The following EIF4G2 variants were observed in gnomAD, a reference collection of about 807,000 sequenced individuals.
The protein encoded by EIF4G2 is eukaryotic translation initiation factor 4 gamma 2.
A neutral mutation model predicts 117.7 loss-of-function variants in EIF4G2; 8 were observed. The ratio of observed to expected loss-of-function variants is 0.07; its 90% CI spans 0.04 to 0.12. The LOEUF (loss-of-function observed/expected upper bound fraction) is 0.12. EIF4G2 is among the 10% of genes least tolerant of loss of function. EIF4G2 has a pLI of 1.00. For missense variants in EIF4G2, 812 were observed against 1,086.2 expected (o/e 0.75, Z 3.55); for synonymous variants, 413 against 367.8 (o/e 1.12, Z -1.41).
Position 10,803,603 on chromosome 11 carries a change from AAGGCC to A in EIF4G2, c.703-18_703-14del, listed in dbSNP as rs750506476. The A allele has an allele frequency of 2.0e-5, 32 of 1,607,752 alleles. No individual in the cohort carries two copies. Among genetic ancestry groups the A allele is most frequent in the Non-Finnish European group, 2.6e-5 (30 of 1,175,418 alleles). ...TCTTTTCCAAAAGCTACAAGAATAA[AAGGCC>A]ATGGTGACAAAGTTTTAGTTACTCT... On this transcript the variant is annotated splice_polypyrimidine_tract_variant and intron_variant, in intron 8 of 21. Coordinates refer to ENST00000339995, the MANE Select transcript of EIF4G2 (RefSeq NM_001418.4). This position sits in a 1 kb window ranked among gnomAD's most constrained non-coding sequence, Gnocchi z 4.0.
At chr11:10,808,451 G>A (rs1036280513) in intron 1 of EIF4G2, 29 of 1,262,652 alleles carry the variant, frequency 2.3e-5, no homozygotes, top group Non-Finnish European at 2.8e-5. Context: ...CGTCCCTGCA[G>A]GCGTCGGCCA....
Position 10,805,864 on chromosome 11 carries a change from T to C in EIF4G2, c.248+43A>G, listed in dbSNP as rs762899767. 5.0e-6 allele frequency: 8 copies of C among 1,613,708 alleles called. No individual in the cohort carries two copies. The Admixed American group carries it at 5.0e-5, about 10-fold the overall frequency. On this transcript the variant is annotated intron_variant, in intron 4 of 21. Transcript: ENST00000339995. ...CAGCACACACACCAAACACAGCTAA[T>C]CCACACTTCCCATCTTTTAGTAAAA...
chr11:10,803,273 C>A lies in EIF4G2; in HGVS notation c.835G>T (p.Ala279Ser), dbSNP rs1334620386. The change falls in exon 10 of 22, where the codon GCC (alanine) becomes TCC (serine). Residue 279 changes from alanine (A) to serine (S), a missense_variant. By Grantham distance (99) the Ala-to-Ser change is moderately conservative. Around this residue, in one of 4 missense-constraint regions of EIF4G2, gnomAD observed 154 missense variants for 322.1 expected, o/e 0.48. Coordinates refer to ENST00000339995, the MANE Select transcript of EIF4G2 (RefSeq NM_001418.4). This position sits in a 1 kb window ranked among gnomAD's most constrained non-coding sequence, Gnocchi z 4.0. Reference sequence around the variant, plus strand: ...CTTAACATCAAGGAGCACATTCGGGCAAAGTACTGATCCATTAAGGACTGA... The same window carrying A: ...CTTAACATCAAGGAGCACATTCGGGAAAAGTACTGATCCATTAAGGACTGA... 1 of 1,613,980 alleles carries A rather than the reference C, an allele frequency of 6.2e-7. No individual in the cohort carries two copies. Among genetic ancestry groups the A allele is most frequent in the South Asian group, 1.1e-5 (1 of 91,050 alleles).
In EIF4G2 at chr11:10,800,529, A is replaced by C. The variant is rs756568235; in HGVS notation, c.1763T>G (p.Leu588Arg). The C allele has an allele frequency of 6.2e-7, 1 of 1,614,182 alleles. No individual in the cohort carries two copies. The highest frequency in any genetic ancestry group is 8.5e-7 in the Non-Finnish European group (1 of 1,180,036). ...ATCTTCATCGCTTCTATCTAGTGAC[A>C]GGATGATTACTTTGCTTAACATCTC... Residue 588 changes from leucine to arginine, a missense_variant, in exon 17 of 22, where the codon CTG (leucine) becomes CGG (arginine). Leu to Arg is a moderately radical substitution (Grantham distance 102). Around this residue, in one of 4 missense-constraint regions of EIF4G2, gnomAD observed 571 missense variants for 642.3 expected, o/e 0.89. Coordinates refer to ENST00000339995, the MANE Select transcript of EIF4G2 (RefSeq NM_001418.4).
rs1297620626 is a variant in EIF4G2, at chr11:10,806,862, C to T, written c.65G>A (p.Ser22Asn). 1.2e-6 allele frequency: 2 copies of T among 1,614,196 alleles called. No homozygotes were observed. Among genetic ancestry groups the T allele is most frequent in the East Asian group, 2.2e-5 (1 of 44,884 alleles). ...GGGATAGTGCTGAGGTGCACCCCTACTTCCTCCTCCGCCCGAAGAAGCACT... is the reference window on the plus strand; with the variant it reads ...GGGATAGTGCTGAGGTGCACCCCTATTTCCTCCTCCGCCCGAAGAAGCACT... Residue 22 changes from serine to asparagine, a missense_variant, in exon 3 of 22, where the codon AGT (serine) becomes AAT (asparagine). By Grantham distance (46) the Ser-to-Asn change is conservative. This residue lies in a region of EIF4G2 where 79 missense variants were observed against 91.5 expected (regional missense o/e 0.86). Transcript: ENST00000339995.
chr11:10,797,456 T>A lies in EIF4G2; in HGVS notation c.*360A>T, dbSNP rs1847290038. On this transcript the variant is annotated 3_prime_UTR_variant, in exon 22 of 22. Coordinates refer to ENST00000339995, the MANE Select transcript of EIF4G2 (RefSeq NM_001418.4). This position sits in a 1 kb window ranked among gnomAD's most constrained non-coding sequence, Gnocchi z 4.5. ...CTCAAGTATTACTGAGCAAAGTGCATTTCTACAGTATTCAGTGTTGCTATT... is the reference window on the plus strand; with the variant it reads ...CTCAAGTATTACTGAGCAAAGTGCAATTCTACAGTATTCAGTGTTGCTATT... 5.1e-6 allele frequency: 1 copy of A among 197,916 alleles called. No individual in the cohort carries two copies. The highest frequency in any genetic ancestry group is 1.0e-4 in the South Asian group (1 of 9,632). The allele number at this position is 197,916 out of a possible 1,614,324, so 12.3% of individuals were successfully genotyped here. A position where few individuals can be genotyped will look rare whatever the true frequency, so the allele number is the denominator to read the frequency against.
intron 1 of EIF4G2, chr11:10,808,235 C>T: frequency 2.6e-6 from 3 of 1,146,750 alleles, no homozygotes; most frequent in Non-Finnish European, 3.2e-6. Flanking sequence ...CTCTTTCCTC[C>T]CCGACGAAGG....
intron 21 of EIF4G2, 120 bp downstream of exon 21, chr11:10,798,872 T>C: frequency 8.5e-7 from 1 of 1,178,310 alleles, no homozygotes; most frequent in Middle Eastern, 2.1e-4. Flanking sequence ...AATGTACAGG[T>C]GAAGACAAAC....
At chr11:10,802,594 T>TGGGG (rs1396997536) in intron 11 of EIF4G2, among the ~76,000 whole-genome samples, 159 bp from the exon 12 acceptor site, 10 of 152,356 alleles carry the variant, frequency 6.6e-5, no homozygotes, top group African/African-American at 2.2e-4. Context: ...AGGCTGGGCA[T>TGGGG]GATGGCTCAC....
At chr11:10,804,265 G>C (rs1191995770) in intron 6 of EIF4G2, 22 bp downstream of exon 6, 1 of 1,612,624 alleles carries the variant, frequency 6.2e-7, no homozygotes, top group East Asian at 2.2e-5. Flanking sequence ...TTTAAAACAA[G>C]CAAACAAAAA....
chr11:10,804,077 C>T (rs1047550184), intron 7 of EIF4G2, 27 bp from the exon 8 acceptor site: 1 of 1,612,376 alleles, frequency 6.2e-7, no homozygotes, highest in East Asian at 2.2e-5. Flanking sequence ...TGAAGTAAGC[C>T]AACATTCAGA....
intron 14 of EIF4G2, 98 bp from the exon 15 acceptor site, chr11:10,801,185 G>A (rs921203777): frequency 1.3e-6 from 2 of 1,505,298 alleles, no homozygotes; most frequent in Non-Finnish European, 8.9e-7. Flanking sequence ...CAGAATCTAG[G>A]GAAACATTAA....
chr11:10,800,315 G>C lies in EIF4G2; in HGVS notation c.1894C>G (p.Leu632Val). 1.2e-6 allele frequency: 2 copies of C among 1,614,160 alleles called. No homozygotes were observed. The highest frequency in any genetic ancestry group is 1.7e-6 in the Non-Finnish European group (2 of 1,180,006). The change falls in exon 18 of 22, where the codon CTG becomes GTG. Residue 632 changes from leucine to valine, a missense_variant. Transcript: ENST00000339995. Reference sequence around the variant, plus strand: ...TTCACCAAAGGGATGTCAACCTCCAGTTTGGGACACTGGTCCAATACATTC... The same window carrying C: ...TTCACCAAAGGGATGTCAACCTCCACTTTGGGACACTGGTCCAATACATTC...
chr11:10,800,259 G>T lies in EIF4G2; in HGVS notation c.1950C>A (p.Ala650=). Reference sequence around the variant, plus strand: ...AAATGCTCACCAGCTCTGAAATGATGGCACGAGCTGCAAACTGTGCTAAAT... The same window carrying T: ...AAATGCTCACCAGCTCTGAAATGATTGCACGAGCTGCAAACTGTGCTAAAT... Residue 650 remains alanine, a synonymous_variant, in exon 18 of 22, where the codon GCC becomes GCA. Transcript: ENST00000339995. The T allele has an allele frequency of 6.2e-7, 1 of 1,614,178 alleles. No individual in the cohort carries two copies.
intron 4 of EIF4G2, among the ~76,000 whole-genome samples, chr11:10,805,504 G>A (rs1042072819): frequency 6.6e-6 from 1 of 151,832 alleles, no homozygotes; most frequent in African/African-American, 2.4e-5. Context: ...AGGCTGGAGT[G>A]CAGTGGCGTG....
At chr11:10,798,891 A>C in intron 21 of EIF4G2, 101 bp downstream of exon 21, 2 of 1,384,028 alleles carry the variant, frequency 1.4e-6, no homozygotes. Context: ...ACTACTAACT[A>C]GGACTACCTT....
rs776514344 is a variant in EIF4G2, at chr11:10,801,705, T to G, written c.1369A>C (p.Met457Leu). 3 of 1,614,204 alleles carry G rather than the reference T, an allele frequency of 1.9e-6. No homozygotes were observed. The highest frequency in any genetic ancestry group is 2.5e-6 in the Non-Finnish European group (3 of 1,180,032). The change falls in exon 14 of 22, where the codon ATG becomes CTG. Residue 457 changes from methionine (M) to leucine (L), a missense_variant. Coordinates refer to ENST00000339995, the MANE Select transcript of EIF4G2 (RefSeq NM_001418.4). Reference sequence around the variant, plus strand: ...CCTTTCTTAGAAAACCGAGGTGGCATATCCTTCGACTGTCCTTGCAGCTGG... The same window carrying G: ...CCTTTCTTAGAAAACCGAGGTGGCAGATCCTTCGACTGTCCTTGCAGCTGG...
intron 15 of EIF4G2, 38 bp downstream of exon 15, chr11:10,800,924 G>C: frequency 6.2e-7 from 1 of 1,612,600 alleles, no homozygotes; most frequent in Non-Finnish European, 8.5e-7. Flanking sequence ...AAAGTCTTCA[G>C]ATATCTTTAG....
rs1041656655 is a variant in EIF4G2, at chr11:10,800,720, T to C, written c.1644+11A>G. ...GGCTAATTACACTAAAATGGGATAT[T>C]TGAAACTTACAGTTAGTTTAAGGAG... On this transcript the variant is annotated intron_variant, in intron 16 of 21. Coordinates refer to ENST00000339995, the MANE Select transcript of EIF4G2 (RefSeq NM_001418.4). 5 of 1,614,188 alleles carry C rather than the reference T, an allele frequency of 3.1e-6. No homozygotes were observed. The highest frequency in any genetic ancestry group is 1.6e-4 in the Middle Eastern group (1 of 6,062).
Sources: gnomAD v4.1 joint callset for allele counts (sites outside exome capture counted in the v4.1 genomes callset) on GRCh38, gnomAD v4.1.1 for gene constraint, gnomAD v4.1.1 regional missense constraint, Gnocchi (gnomAD v3.1) non-coding constraint, MANE v1.5 for transcripts, NCBI Gene and HGNC (gene_info 2026-07-23, HGNC 2026-07-21) for gene names.